The following MTUS2 variants were observed in gnomAD, a reference collection of about 807,000 sequenced individuals.
The protein encoded by MTUS2 is microtubule associated scaffold protein 2, also known as microtubule-associated tumor suppressor candidate 2.
MTUS2 carries 40 observed loss-of-function variants against 114.1 expected under a neutral mutation model. The observed-to-expected ratio is 0.35, with a 90% confidence interval of 0.27 to 0.46. The LOEUF is 0.46. MTUS2 is among the 20% of genes least tolerant of loss of function. The pLI, the probability that MTUS2 is intolerant of heterozygous loss-of-function variation, is 1.00. For missense variants in MTUS2, 1,679 were observed against 1,705.4 expected, an observed-to-expected ratio of 0.98 and a Z score of 0.27; for synonymous variants, 688 against 672.0, an observed-to-expected ratio of 1.02 and a Z score of -0.37.
At chr13:28,858,274 C>T (rs1291423096) in intron 2 of MTUS2, among the ~76,000 whole-genome samples, 2 of 152,060 alleles carry the variant, frequency 1.3e-5, no homozygotes, top group Non-Finnish European at 2.9e-5. Flanking sequence ...GTGTATTATA[C>T]TGGGGTTATG....
chr13:28,995,054 A>G (rs1378668926), intron 2 of MTUS2, among the ~76,000 whole-genome samples: 4 of 152,186 alleles, frequency 2.6e-5, no homozygotes, highest in African/African-American at 4.8e-5. Context: ...TAAGTCTTTA[A>G]TCCATCTTGA....
Position 29,361,569 on chromosome 13 carries a change from A to G in MTUS2, c.3117+2096A>G, listed in dbSNP as rs1382298523. On this transcript the variant is annotated intron_variant, in intron 8 of 15. Transcript: ENST00000612955. ...TGATGGATTTGAGAATTTGCTAGTA[A>G]TACTGAATTAGACCAGGAGGTGTGA... Among the ~76,000 whole-genome samples, 2 of 152,208 alleles carry G rather than the reference A, an allele frequency of 1.3e-5. 1 individual carries two copies. Among genetic ancestry groups the G allele is most frequent in the Admixed American group, 1.3e-4 (2 of 15,280 alleles).
chr13:28,912,135 A>C lies in MTUS2; in HGVS notation c.-243+72285A>C, dbSNP rs377061227. ...TTCTTCCAGGTTTTATTTTTTTAAT[A>C]GTTTTGAGTTTTACATTTAAGTCTT... On this transcript the variant is annotated intron_variant, in intron 2 of 15. Coordinates refer to ENST00000612955, the MANE Select transcript of MTUS2 (RefSeq NM_001033602.4). Among the ~76,000 whole-genome samples, 3 of 151,398 alleles carry C rather than the reference A, an allele frequency of 2.0e-5. 1 individual carries two copies. The highest frequency in any genetic ancestry group is 7.3e-5 in the African/African-American group (3 of 41,374).
At chr13:29,401,925 T>C (rs1267037318) in intron 8 of MTUS2, among the ~76,000 whole-genome samples, 1 of 152,202 alleles carries the variant, frequency 6.6e-6, no homozygotes, top group East Asian at 1.9e-4. Context: ...ATTTGTATAT[T>C]AATTTGGAGA....
chr13:29,135,812 T>C (rs1392406953), intron 5 of MTUS2, among the ~76,000 whole-genome samples: 1 of 152,230 alleles, frequency 6.6e-6, no homozygotes, highest in African/African-American at 2.4e-5. Context: ...CTCTGCTCCT[T>C]TAACAGCTTT....
intron 12 of MTUS2, among the ~76,000 whole-genome samples, chr13:29,495,181 CAAAAAAAAA>C (rs71090260): frequency 3.3e-5 from 1 of 30,078 alleles, no homozygotes; most frequent in African/African-American, 1.3e-4. Context: ...AACTCCGTCT[CAAAAAAAAA>C]AAAAAAAAAA....
rs545708997 is a variant in MTUS2, at chr13:28,939,681, G to T, written c.-242-84776G>T. On this transcript the variant is annotated intron_variant, in intron 2 of 15. Transcript: ENST00000612955. Reference sequence around the variant, plus strand: ...TTTAGTGTTACTTCTGGAGATGGTGGACTGGTTTCTTGCAAACCAGTTCAC... The same window carrying T: ...TTTAGTGTTACTTCTGGAGATGGTGTACTGGTTTCTTGCAAACCAGTTCAC... 3.9e-5 allele frequency among the ~76,000 whole-genome samples: 6 copies of T among 152,038 alleles called. No homozygotes were observed. In the South Asian group the frequency reaches 1.2e-3, roughly 32 times the overall value.
intron 2 of MTUS2, among the ~76,000 whole-genome samples, chr13:28,927,425 G>T (rs1325974288): frequency 6.6e-6 from 1 of 152,062 alleles, no homozygotes; most frequent in Non-Finnish European, 1.5e-5. Context: ...AATTAGTCAG[G>T]CATAGTGGCA....
At chr13:29,284,709 G>A (rs947978246) in intron 6 of MTUS2, among the ~76,000 whole-genome samples, 17 of 152,182 alleles carry the variant, frequency 1.1e-4, no homozygotes, top group Admixed American at 1.0e-3. Flanking sequence ...GGTGGTGTTA[G>A]TACTGTGATT....
intron 5 of MTUS2, among the ~76,000 whole-genome samples, chr13:29,263,069 A>G (rs1465243324): frequency 2.6e-5 from 4 of 152,196 alleles, no homozygotes; most frequent in African/African-American, 7.2e-5. Flanking sequence ...TTCTTAGAAG[A>G]ATGTTATTAG....
At chr13:29,285,572 T>G (rs1898445762) in intron 6 of MTUS2, among the ~76,000 whole-genome samples, 1 of 152,184 alleles carries the variant, frequency 6.6e-6, no homozygotes, top group African/African-American at 2.4e-5. Context: ...ACTACTGATT[T>G]ACTAGAAGTA....
At chr13:29,373,962 T>C (rs7491554) in intron 8 of MTUS2, among the ~76,000 whole-genome samples, 30,888 of 152,056 alleles carry the variant, frequency 0.2, 3,210 homozygotes, top group Middle Eastern at 0.25. Context: ...TGCAGAATGC[T>C]TCAGGAAGTA....
At chr13:29,303,326 C>T (rs955055873) in intron 6 of MTUS2, among the ~76,000 whole-genome samples, 1 of 152,188 alleles carries the variant, frequency 6.6e-6, no homozygotes, top group African/African-American at 2.4e-5. Flanking sequence ...CAGAAGTAGG[C>T]TTCAGAAGGT....
intron 4 of MTUS2, among the ~76,000 whole-genome samples, chr13:29,045,498 G>T (rs1887572564): frequency 6.6e-6 from 1 of 152,142 alleles, no homozygotes; most frequent in African/African-American, 2.4e-5. Flanking sequence ...ATCTTGAGAG[G>T]ACACAAACAT....
At chr13:29,416,692 A>C (rs1160989976) in intron 8 of MTUS2, among the ~76,000 whole-genome samples, 1 of 152,200 alleles carries the variant, frequency 6.6e-6, no homozygotes, top group Non-Finnish European at 1.5e-5. Flanking sequence ...TTAACTTTAT[A>C]TAAAATGAAG....
chr13:29,228,975 C>G (rs542693341), intron 5 of MTUS2, among the ~76,000 whole-genome samples: 1 of 152,242 alleles, frequency 6.6e-6, no homozygotes, highest in African/African-American at 2.4e-5. Flanking sequence ...CAAAGATCCA[C>G]CAAGGATAAG....
In MTUS2 at chr13:29,109,736, C is replaced by A. The variant is rs549503981; in HGVS notation, c.2644+8766C>A. The stretch of plus-strand genomic sequence containing the variant: ...GATTTGCCCAATAATAATGATGTTT[C>A]TGTGGGCATTTCCATCCATTGGCCA... On this transcript the variant is annotated intron_variant, in intron 5 of 15. Coordinates refer to ENST00000612955, the MANE Select transcript of MTUS2 (RefSeq NM_001033602.4). Among the ~76,000 whole-genome samples, 15 of 152,270 alleles carry A rather than the reference C, an allele frequency of 9.9e-5. 1 individual carries two copies. The highest frequency in any genetic ancestry group is 3.4e-3 in the Middle Eastern group (1 of 294).
Position 29,161,442 on chromosome 13 carries a change from T to C in MTUS2, c.2644+60472T>C, listed in dbSNP as rs1008003859. On this transcript the variant is annotated intron_variant, in intron 5 of 15. Transcript: ENST00000612955. ...AATTATATAACATATATTATTATAA[T>C]ATATAGTATACGTTATAGCTTGGTA... Among the ~76,000 whole-genome samples the C allele has an allele frequency of 2.0e-5, 3 of 151,306 alleles. No homozygotes were observed. The East Asian group carries it at 5.8e-4, about 29-fold the overall frequency.
intron 2 of MTUS2, among the ~76,000 whole-genome samples, chr13:28,892,586 TG>T (rs1460917943): frequency 6.6e-6 from 1 of 152,218 alleles, no homozygotes; most frequent in Non-Finnish European, 1.5e-5. Context: ...AAGATGACTC[TG>T]GGTTCATTGA....
Sources: gnomAD v4.1 joint callset for allele counts (sites outside exome capture counted in the v4.1 genomes callset) on GRCh38, gnomAD v4.1.1 for gene constraint, MANE v1.5 for transcripts, NCBI Gene and HGNC (gene_info 2026-07-23, HGNC 2026-07-21) for gene names.